Variants in L3MBTL4 observed in about 807,000 individuals in gnomAD.
The protein encoded by L3MBTL4 is lethal(3)malignant brain tumor-like protein 4.
A neutral mutation model predicts 84.5 loss-of-function variants in L3MBTL4; 70 were observed. The ratio of observed to expected loss-of-function variants is 0.83; its 90% CI spans 0.68 to 1.01. The LOEUF (loss-of-function observed/expected upper bound fraction) is 1.01, where lower values mean the gene tolerates loss of function less well. Among genes scored for constraint, L3MBTL4 ranks in the 50% least tolerant of loss-of-function variants. The pLI is 0.00. For missense variants in L3MBTL4, 715 were observed against 754.8 expected (o/e 0.95, Z 0.62); for synonymous variants, 274 against 259.8 (o/e 1.05, Z -0.52).
At chr18:6,282,075 G>T (rs1454339072) in intron 4 of L3MBTL4, among the ~76,000 whole-genome samples, 1 of 152,148 alleles carries the variant, frequency 6.6e-6, no homozygotes, top group Non-Finnish European at 1.5e-5. Flanking sequence ...AACCAGCTGA[G>T]CACAGCAAAC....
Position 5,956,246 on chromosome 18 carries a change from C to A in L3MBTL4, c.1819G>T (p.Ala607Ser). Residue 607 changes from alanine to serine, a missense_variant, in exon 19 of 19, where the codon GCC (alanine) becomes TCC (serine). Coordinates refer to ENST00000317931, the MANE Select transcript of L3MBTL4 (RefSeq NM_001330559.2). The stretch of plus-strand genomic sequence containing the variant: ...CATCCCCTGACTTCTTGGCCTGAGG[C>A]AATATCTTCTTCAGGGAGTTCCTGG... ...HSQELPEEDI[A>S]SGQEVRG is the part of the protein sequence containing the mutation. 6.2e-7 allele frequency: 1 copy of A among 1,613,920 alleles called. No individual in the cohort carries two copies. The highest frequency in any genetic ancestry group is 1.3e-5 in the African/African-American group (1 of 75,030).
intron 14 of L3MBTL4, among the ~76,000 whole-genome samples, chr18:6,111,235 G>A (rs929528278): frequency 1.3e-5 from 2 of 152,152 alleles, no homozygotes; most frequent in African/African-American, 4.8e-5. Context: ...CTTTGGGGCT[G>A]ATGAGAGTGT....
intron 1 of L3MBTL4, among the ~76,000 whole-genome samples, chr18:6,373,120 A>G (rs576614115): frequency 1.3e-5 from 2 of 152,240 alleles, no homozygotes; most frequent in East Asian, 1.9e-4. Context: ...TATTCTGGGG[A>G]AAAAAATTTC....
At chr18:5,969,676 A>G in intron 16 of L3MBTL4, 114 bp from the exon 17 acceptor site, 1 of 973,606 alleles carries the variant, frequency 1.0e-6, no homozygotes. Context: ...AGACACCACC[A>G]GAACCCGCGT....
intron 1 of L3MBTL4, among the ~76,000 whole-genome samples, chr18:6,320,377 A>G (rs1242556522): frequency 1.3e-5 from 2 of 152,096 alleles, no homozygotes; most frequent in Non-Finnish European, 2.9e-5. Flanking sequence ...AGAAAACCCT[A>G]AAGACTCCTC....
intron 12 of L3MBTL4, 78 bp from the exon 13 acceptor site, chr18:6,172,020 G>A: frequency 3.1e-6 from 2 of 654,914 alleles, no homozygotes; most frequent in Non-Finnish European, 5.2e-6. Context: ...TTTGAATACA[G>A]ATGTCTGAAG....
At chr18:6,170,161 CAAAG>C (rs2043896219) in intron 13 of L3MBTL4, among the ~76,000 whole-genome samples, 1 of 152,086 alleles carries the variant, frequency 6.6e-6, no homozygotes, top group Non-Finnish European at 1.5e-5. Flanking sequence ...AACTGAGATT[CAAAG>C]CCCAGCATTC....
In L3MBTL4 at chr18:6,011,946, G is replaced by A. The variant is rs138106290; in HGVS notation, c.1445-42384C>T. 4.0e-3 allele frequency among the ~76,000 whole-genome samples: 604 copies of A among 152,354 alleles called. 7 individuals carry two copies. The highest frequency in any genetic ancestry group is 0.019 in the South Asian group (94 of 4,830). ...AAACAATGGCCTGGGCTGCTTTTCC[G>A]ATTCCCATTAGTAGTAAACTTTGCT... On this transcript the variant is annotated intron_variant, in intron 16 of 18. Coordinates refer to ENST00000317931, the MANE Select transcript of L3MBTL4 (RefSeq NM_001330559.2).
chr18:6,323,405 G>C (rs1327268738), intron 1 of L3MBTL4, among the ~76,000 whole-genome samples: 1 of 152,220 alleles, frequency 6.6e-6, no homozygotes, highest in African/African-American at 2.4e-5. Context: ...GAGACTTCTT[G>C]AATGGTTGTG....
At chr18:6,270,729 T>C (rs1186826618) in intron 4 of L3MBTL4, among the ~76,000 whole-genome samples, 2 of 152,108 alleles carry the variant, frequency 1.3e-5, no homozygotes, top group Non-Finnish European at 2.9e-5. Context: ...AGCACAAAGT[T>C]TGCAGGGATC....
intron 1 of L3MBTL4, among the ~76,000 whole-genome samples, chr18:6,407,529 A>C (rs1340840324): frequency 1.3e-5 from 2 of 152,230 alleles, no homozygotes; most frequent in Non-Finnish European, 2.9e-5. Flanking sequence ...ATAATGATAG[A>C]GAATTAAAGG....
chr18:6,346,265 T>C (rs2143652866), intron 1 of L3MBTL4, among the ~76,000 whole-genome samples: 1 of 151,788 alleles, frequency 6.6e-6, no homozygotes, highest in Non-Finnish European at 1.5e-5. Context: ...AAAAGTGTCT[T>C]CACATTGGTC....
chr18:6,146,577 A>AGT (rs2042663481), intron 13 of L3MBTL4, among the ~76,000 whole-genome samples: 1 of 152,222 alleles, frequency 6.6e-6, no homozygotes, highest in African/African-American at 2.4e-5. Context: ...AAAAGGTGTG[A>AGT]GCAAGCCTGA....
At chr18:6,132,673 G>C (rs896059709) in intron 14 of L3MBTL4, among the ~76,000 whole-genome samples, 2 of 152,178 alleles carry the variant, frequency 1.3e-5, no homozygotes, top group Non-Finnish European at 2.9e-5. Flanking sequence ...CTACTTAGTA[G>C]ATAAACTTAA....
intron 4 of L3MBTL4, among the ~76,000 whole-genome samples, chr18:6,271,862 C>T (rs1315565851): frequency 1.3e-5 from 2 of 152,268 alleles, no homozygotes; most frequent in Admixed American, 6.5e-5. Flanking sequence ...AAGTAAGATG[C>T]AGATGGGAGA....
At chr18:6,331,895 G>T (rs1285750120) in intron 1 of L3MBTL4, among the ~76,000 whole-genome samples, 1 of 150,986 alleles carries the variant, frequency 6.6e-6, no homozygotes, top group East Asian at 2.0e-4. Flanking sequence ...AGACATAGAG[G>T]ATAAATTAAG....
intron 1 of L3MBTL4, among the ~76,000 whole-genome samples, chr18:6,375,771 T>A (rs1229719052): frequency 6.6e-6 from 1 of 152,110 alleles, no homozygotes; most frequent in Non-Finnish European, 1.5e-5. Context: ...CAATAGGACC[T>A]GGTGACAGAA....
intron 4 of L3MBTL4, among the ~76,000 whole-genome samples, chr18:6,296,173 T>A: frequency 6.6e-6 from 1 of 152,210 alleles, no homozygotes; most frequent in East Asian, 1.9e-4. Flanking sequence ...GACTCCAGGA[T>A]ACTATTCAAG....
intron 1 of L3MBTL4, among the ~76,000 whole-genome samples, chr18:6,339,452 A>G (rs891017756): frequency 4.6e-5 from 7 of 152,240 alleles, no homozygotes; most frequent in Non-Finnish European, 1.0e-4. Flanking sequence ...TGAATAATTC[A>G]GATATGATAA....
Sources: gnomAD v4.1 joint callset for allele counts (sites outside exome capture counted in the v4.1 genomes callset) on GRCh38, gnomAD v4.1.1 for gene constraint, MANE v1.5 for transcripts, NCBI Gene and HGNC (gene_info 2026-07-23, HGNC 2026-07-21) for gene names.